Variants in KCNQ1 observed in about 807,000 individuals in gnomAD.
The protein encoded by KCNQ1 is potassium voltage-gated channel subfamily Q member 1, also known as potassium voltage-gated channel subfamily KQT member 1.
In KCNQ1, 49 loss-of-function variants were observed where a neutral mutation model predicts 72.4. That is an observed-to-expected ratio of 0.68 (90% CI 0.54 to 0.86). KCNQ1 has a LOEUF of 0.86. Ranked by LOEUF, KCNQ1 falls within the 40% of genes least tolerant of loss-of-function variation. The probability of loss-of-function intolerance (pLI) is 0.00; values close to 1 mark genes in which losing one functional copy is unlikely to be tolerated. For missense variants in KCNQ1, 790 were observed against 945.1 expected (o/e 0.84, Z 2.15); for synonymous variants, 450 against 412.6 (o/e 1.09, Z -1.10).
intron 12 of KCNQ1, among the ~76,000 whole-genome samples, chr11:2,770,828 T>C (rs1008148499): frequency 6.6e-6 from 1 of 152,056 alleles, no homozygotes; most frequent in African/African-American, 2.4e-5. Flanking sequence ...TCGGGGGCAA[T>C]GGAAGAGAGA....
intron 5 of KCNQ1, 88 bp downstream of exon 5, chr11:2,572,197 C>G (rs566772009): frequency 1.2e-5 from 12 of 989,116 alleles, no homozygotes; most frequent in Non-Finnish European, 1.8e-5. Context: ...GCTTGAGATG[C>G]GCTGAGGCCC....
chr11:2,626,452 C>A lies in KCNQ1; in HGVS notation c.1394-35509C>A. Reference sequence around the variant, plus strand: ...GTATACAAGGGTTTATTTTTGGGCTCTCTATTCAATTCCATTGGTCTCTAC... The same window carrying A: ...GTATACAAGGGTTTATTTTTGGGCTATCTATTCAATTCCATTGGTCTCTAC... On this transcript the variant is annotated intron_variant, in intron 10 of 15. Coordinates refer to ENST00000155840, the MANE Select transcript of KCNQ1 (RefSeq NM_000218.3). The surrounding 1 kb of genome is among the most constrained non-coding windows in gnomAD (Gnocchi z 4.0). 1 of 398,628 alleles carries A rather than the reference C, an allele frequency of 2.5e-6. No individual in the cohort carries two copies. The highest frequency in any genetic ancestry group is 4.4e-6 in the Non-Finnish European group (1 of 226,080). The allele number at this position is 398,628 out of a possible 1,614,324, so 24.7% of individuals were successfully genotyped here. A position where few individuals can be genotyped will look rare whatever the true frequency, so the allele number is the denominator to read the frequency against.
chr11:2,557,101 G>T (rs1176669774), intron 2 of KCNQ1, among the ~76,000 whole-genome samples: 1 of 152,176 alleles, frequency 6.6e-6, no homozygotes, highest in Non-Finnish European at 1.5e-5. Flanking sequence ...ATAATGGGTG[G>T]TTGAAAAATA....
chr11:2,689,484 C>G, intron 11 of KCNQ1: 1 of 398,690 alleles, frequency 2.5e-6, no homozygotes, highest in Non-Finnish European at 4.4e-6. Context: ...TACCTGCATT[C>G]TGCTGAAGGT....
At chr11:2,697,490 G>T in intron 11 of KCNQ1, 2 of 398,566 alleles carry the variant, frequency 5.0e-6, no homozygotes, top group Non-Finnish European at 8.8e-6. Context: ...GAAAAGTTAA[G>T]TTTTGGTTTA....
chr11:2,459,898 TA>T (rs1349955023), intron 1 of KCNQ1, among the ~76,000 whole-genome samples: 1 of 151,806 alleles, frequency 6.6e-6, no homozygotes, highest in African/African-American at 2.4e-5. Flanking sequence ...TTTTTTTTTT[TA>T]AATGTGGTTA....
At position 2,797,453 on chromosome 11, in the gene KCNQ1, C is replaced by T. The variant is rs187037871; in HGVS notation, c.1794+19416C>T. Among the ~76,000 whole-genome samples, 70 of 152,340 alleles carry T rather than the reference C, an allele frequency of 4.6e-4. 1 individual carries two copies. The highest frequency in any genetic ancestry group is 1.9e-4 in the East Asian group (1 of 5,188). ...GCTCCAGCTGCTGTGTCATCAAGGT[C>T]GGGCTGGGCTGGCCTCTTCCTAGCA... On this transcript the variant is annotated intron_variant, in intron 15 of 15. Coordinates refer to ENST00000155840, the MANE Select transcript of KCNQ1 (RefSeq NM_000218.3).
intron 15 of KCNQ1, among the ~76,000 whole-genome samples, chr11:2,834,309 G>A (rs1212187904): frequency 2.0e-5 from 3 of 152,146 alleles, no homozygotes; most frequent in Non-Finnish European, 2.9e-5. Context: ...CATGGAGGGC[G>A]CCCAGGTGCG....
rs1278772227 is a variant in KCNQ1, at chr11:2,818,525, G to T, written c.1795-29242G>T. On this transcript the variant is annotated intron_variant, in intron 15 of 15. Coordinates refer to ENST00000155840, the MANE Select transcript of KCNQ1 (RefSeq NM_000218.3). This position sits in a 1 kb window ranked among gnomAD's most constrained non-coding sequence, Gnocchi z 7.2. ...CTGTCACAGGACTTTGCCACCCGGG[G>T]TGAGGGGCCTAGAAACCCCTCTCCA... 2.0e-5 allele frequency among the ~76,000 whole-genome samples: 3 copies of T among 152,152 alleles called. No homozygotes were observed. Among genetic ancestry groups the T allele is most frequent in the African/African-American group, 4.8e-5 (2 of 41,428 alleles).
intron 12 of KCNQ1, chr11:2,771,306 A>G (rs1053054876): frequency 6.6e-6 from 1 of 152,332 alleles, no homozygotes; most frequent in Admixed American, 6.5e-5. Context: ...CAGGAAGGAC[A>G]CTGGCATTGA....
At position 2,674,381 on chromosome 11, in the gene KCNQ1, G is replaced by A. The variant is rs559776042; in HGVS notation, c.1514+12300G>A. ...GGCAAAGAGCAGCTTCCTGCTTAGG[G>A]AAGGTGCATGCGTGCGTGTGTGTGT... is the stretch of plus-strand genomic sequence containing the variant. On this transcript the variant is annotated intron_variant, in intron 11 of 15. Coordinates refer to ENST00000155840, the MANE Select transcript of KCNQ1 (RefSeq NM_000218.3). The surrounding 1 kb of genome is among the most constrained non-coding windows in gnomAD (Gnocchi z 5.9). The A allele has an allele frequency of 3.3e-5, 11 of 338,392 alleles. No homozygotes were observed. Among genetic ancestry groups the A allele is most frequent in the African/African-American group, 2.2e-4 (10 of 46,308 alleles). The allele number at this position is 338,392 out of a possible 1,614,324, so 21.0% of individuals were successfully genotyped here.
chr11:2,785,657 G>T lies in KCNQ1; in HGVS notation c.1794+7620G>T, dbSNP rs1227543502. On this transcript the variant is annotated intron_variant, in intron 15 of 15. Coordinates refer to ENST00000155840, the MANE Select transcript of KCNQ1 (RefSeq NM_000218.3). This position sits in a 1 kb window ranked among gnomAD's most constrained non-coding sequence, Gnocchi z 4.4. ...ATTTAATATAATTTCTAATAGATTTGGATTGAATTCTAGCAGTGTATTTTG... is the reference window on the plus strand; with the variant it reads ...ATTTAATATAATTTCTAATAGATTTTGATTGAATTCTAGCAGTGTATTTTG... Among the ~76,000 whole-genome samples the T allele has an allele frequency of 2.0e-5, 3 of 151,458 alleles. No homozygotes were observed. The highest frequency in any genetic ancestry group is 6.6e-5 in the Admixed American group (1 of 15,228).
At chr11:2,737,674 C>A (rs1460373967) in intron 11 of KCNQ1, among the ~76,000 whole-genome samples, 1 of 152,206 alleles carries the variant, frequency 6.6e-6, no homozygotes, top group Non-Finnish European at 1.5e-5. Context: ...ACTCGGCCCT[C>A]GCAGACCATA....
At chr11:2,786,253 A>G (rs558534619) in intron 15 of KCNQ1, among the ~76,000 whole-genome samples, 11 of 152,286 alleles carry the variant, frequency 7.2e-5, no homozygotes, top group African/African-American at 2.6e-4. Context: ...TAGCACATTA[A>G]AAATGTTATT....
intron 11 of KCNQ1, chr11:2,696,131 CA>C: frequency 5.0e-6 from 2 of 398,594 alleles, no homozygotes; most frequent in Admixed American, 8.8e-5. Flanking sequence ...CATTCAAGTT[CA>C]TACATTTTAG....
At position 2,746,841 on chromosome 11, in the gene KCNQ1, G is replaced by A. The variant is rs1255522325; in HGVS notation, c.1515-22003G>A. Among the ~76,000 whole-genome samples the A allele has an allele frequency of 6.6e-6, 1 of 152,242 alleles. No individual in the cohort carries two copies. Among genetic ancestry groups the A allele is most frequent in the Non-Finnish European group, 1.5e-5 (1 of 68,034 alleles). On this transcript the variant is annotated intron_variant, in intron 11 of 15. Transcript: ENST00000155840. The surrounding 1 kb of genome is among the most constrained non-coding windows in gnomAD (Gnocchi z 5.9). Reference sequence around the variant, plus strand: ...TGGGGCCCTAGAGAGACCCTGGGATGTGGATCACACTGGTGACCCCTGTGA... The same window carrying A: ...TGGGGCCCTAGAGAGACCCTGGGATATGGATCACACTGGTGACCCCTGTGA...
chr11:2,528,735 G>A (rs1242241909), intron 2 of KCNQ1, among the ~76,000 whole-genome samples: 2 of 152,214 alleles, frequency 1.3e-5, no homozygotes, highest in African/African-American at 2.4e-5. Flanking sequence ...TCGTGGAATA[G>A]TTCTAGTATC....
intron 11 of KCNQ1, chr11:2,692,916 G>A (rs1850611762): frequency 5.0e-6 from 2 of 398,538 alleles, no homozygotes; most frequent in Non-Finnish European, 8.8e-6. Flanking sequence ...ACTGTAGCAT[G>A]GCCTATGTCC....
chr11:2,634,987 G>A (rs1240468098), intron 10 of KCNQ1: 1 of 152,206 alleles, frequency 6.6e-6, no homozygotes, highest in African/African-American at 2.4e-5. Flanking sequence ...CTTCTTTTGA[G>A]AAGTGTCTGT....
Sources: gnomAD v4.1 joint callset for allele counts (sites outside exome capture counted in the v4.1 genomes callset) on GRCh38, gnomAD v4.1.1 for gene constraint, Gnocchi (gnomAD v3.1) non-coding constraint, MANE v1.5 for transcripts, NCBI Gene and HGNC (gene_info 2026-07-23, HGNC 2026-07-21) for gene names.